The following PDSS2 variants were observed in gnomAD, a reference collection of about 807,000 sequenced individuals.
The protein encoded by PDSS2 is decaprenyl diphosphate synthase subunit 2, also known as all trans-polyprenyl-diphosphate synthase PDSS2.
A neutral mutation model predicts 44.5 loss-of-function variants in PDSS2; 31 were observed. That is an observed-to-expected ratio of 0.70 (90% CI 0.52 to 0.94). The LOEUF (loss-of-function observed/expected upper bound fraction) is 0.94. Ranked by LOEUF, PDSS2 falls within the 40% of genes least tolerant of loss-of-function variation. PDSS2 has a pLI of 0.00. For synonymous variants in PDSS2, 157 were observed against 180.3 expected (o/e 0.87, Z 1.03); for missense variants, 452 against 482.2 (o/e 0.94, Z 0.59).
chr6:107,214,350 C>T (rs1399364230), intron 4 of PDSS2, among the ~76,000 whole-genome samples: 3 of 152,260 alleles, frequency 2.0e-5, no homozygotes, highest in Admixed American at 2.0e-4. Context: ...CTCGGCCTCC[C>T]AAAGTGCTGG....
Position 107,243,702 on chromosome 6 carries a change from G to A in PDSS2, c.702+1846C>T, listed in dbSNP as rs141311729. 3.0e-4 allele frequency among the ~76,000 whole-genome samples: 45 copies of A among 152,258 alleles called. 1 individual carries two copies. Among genetic ancestry groups the A allele is most frequent in the African/African-American group, 1.0e-3 (42 of 41,526 alleles). On this transcript the variant is annotated intron_variant, in intron 4 of 7. Coordinates refer to ENST00000369037, the MANE Select transcript of PDSS2 (RefSeq NM_020381.4). ...ACTAAAGTACAGAAGATATGGGAGC[G>A]GGTACGGGGAAGTGCTGGGTAGAGA...
intron 6 of PDSS2, among the ~76,000 whole-genome samples, chr6:107,200,353 C>T (rs1338283090): frequency 6.6e-6 from 1 of 152,096 alleles, no homozygotes. Flanking sequence ...AACACCAGAC[C>T]AGACCAGAAG....
At chr6:107,333,229 A>T (rs1164330472) in intron 2 of PDSS2, among the ~76,000 whole-genome samples, 1 of 152,174 alleles carries the variant, frequency 6.6e-6, no homozygotes, top group East Asian at 1.9e-4. Context: ...TCATATGCCA[A>T]AGTCTACCTG....
chr6:107,262,558 G>A (rs1775275361), intron 3 of PDSS2, among the ~76,000 whole-genome samples: 1 of 152,026 alleles, frequency 6.6e-6, no homozygotes, highest in African/African-American at 2.4e-5. Flanking sequence ...AGATCACGAG[G>A]TCAGGAGATC....
chr6:107,275,497 G>C (rs1396517465), intron 2 of PDSS2, among the ~76,000 whole-genome samples: 1 of 151,956 alleles, frequency 6.6e-6, no homozygotes, highest in East Asian at 1.9e-4. Context: ...TGGCCAATAG[G>C]ACATCAACAA....
In PDSS2 at chr6:107,288,703, T is replaced by A. The variant is rs535065950; in HGVS notation, c.432-14476A>T. Among the ~76,000 whole-genome samples, 18 of 148,730 alleles carry A rather than the reference T, an allele frequency of 1.2e-4. No homozygotes were observed. In the South Asian group the frequency reaches 3.7e-3, roughly 30 times the overall value. The stretch of plus-strand genomic sequence containing the variant: ...GAGTTTAGGTTTTTCTAGAGCAGTA[T>A]GGGGTCATTAAGGAGGGGCTGGACA... On this transcript the variant is annotated intron_variant, in intron 2 of 7. Coordinates refer to ENST00000369037, the MANE Select transcript of PDSS2 (RefSeq NM_020381.4).
intron 7 of PDSS2, among the ~76,000 whole-genome samples, chr6:107,168,234 G>C (rs1554247877): frequency 2.0e-5 from 3 of 152,058 alleles, no homozygotes; most frequent in African/African-American, 7.2e-5. Context: ...TTATGTAATG[G>C]CCTTCTTTGT....
intron 6 of PDSS2, among the ~76,000 whole-genome samples, chr6:107,201,924 C>T (rs1772792882): frequency 6.6e-6 from 1 of 152,184 alleles, no homozygotes. Context: ...TTCTGTTTTC[C>T]CCCTTTCTCT....
chr6:107,355,112 T>C lies in PDSS2; in HGVS notation c.297-20780A>G, dbSNP rs1400458760. Among the ~76,000 whole-genome samples, 4 of 152,140 alleles carry C rather than the reference T, an allele frequency of 2.6e-5. No individual in the cohort carries two copies. The East Asian group carries it at 7.7e-4, about 29-fold the overall frequency. On this transcript the variant is annotated intron_variant, in intron 1 of 7. Coordinates refer to ENST00000369037, the MANE Select transcript of PDSS2 (RefSeq NM_020381.4). ...CACGCCCAGCTAATTTTTGTATTTT[T>C]AGTAGAGACAGGGTTTCACCATGGT...
In PDSS2 at chr6:107,429,897, AAAAAATATATATATAT is replaced by A. The variant is rs1310299642; in HGVS notation, c.296+29077_296+29092del. Among the ~76,000 whole-genome samples, 130 of 41,260 alleles carry A rather than the reference AAAAAATATATATATAT, an allele frequency of 3.2e-3. 14 individuals are homozygous for A. The East Asian group carries it at 0.1, about 32-fold the overall frequency. The allele number at this position is 41,260 out of a possible 152,430, so 27.1% of individuals were successfully genotyped here. On this transcript the variant is annotated intron_variant, in intron 1 of 7. Transcript: ENST00000369037. ...AAAACTTAGTCTCAAAAAAAAAAAAAAAAAATATATATATATATATATATATATATATATATATATA... is the reference window on the plus strand; with the variant it reads ...AAAACTTAGTCTCAAAAAAAAAAAAAATATATATATATATATATATATATA...
intron 7 of PDSS2, among the ~76,000 whole-genome samples, chr6:107,158,359 A>G (rs1357024431): frequency 6.6e-6 from 1 of 151,416 alleles, no homozygotes; most frequent in Non-Finnish European, 1.5e-5. Flanking sequence ...TAATTTTTTT[A>G]TTTTTAGTGG....
chr6:107,263,665 T>C (rs1222663181), intron 3 of PDSS2, among the ~76,000 whole-genome samples: 1 of 152,214 alleles, frequency 6.6e-6, no homozygotes, highest in East Asian at 1.9e-4. Context: ...TTATTTAAAA[T>C]TCGTCTTATT....
At chr6:107,195,934 C>T (rs1183455792) in intron 6 of PDSS2, among the ~76,000 whole-genome samples, 3 of 152,152 alleles carry the variant, frequency 2.0e-5, no homozygotes, top group Non-Finnish European at 4.4e-5. Flanking sequence ...CACCACAAAC[C>T]ACTCTAAAAT....
At chr6:107,424,625 A>G (rs319096) in intron 1 of PDSS2, among the ~76,000 whole-genome samples, 109,966 of 152,060 alleles carry the variant, frequency 0.72, 40,222 homozygotes, top group Middle Eastern at 0.79. Flanking sequence ...AGGCTGTGTA[A>G]GGCATTGCAT....
chr6:107,340,760 T>G (rs2448078), intron 1 of PDSS2, among the ~76,000 whole-genome samples: 82,366 of 151,950 alleles, frequency 0.54, 24,153 homozygotes, highest in Middle Eastern at 0.73. Context: ...GAGACGGGAC[T>G]GGAATGGAGT....
At chr6:107,454,877 T>C (rs1246125556) in intron 1 of PDSS2, among the ~76,000 whole-genome samples, 2 of 152,254 alleles carry the variant, frequency 1.3e-5, no homozygotes, top group Admixed American at 1.3e-4. Context: ...GCTTAACCTC[T>C]GGATCAAATG....
At chr6:107,223,085 A>G (rs1215826725) in intron 4 of PDSS2, among the ~76,000 whole-genome samples, 1 of 151,132 alleles carries the variant, frequency 6.6e-6, no homozygotes, top group Admixed American at 6.6e-5. Flanking sequence ...AGTAGCTGGG[A>G]TTACAGGTGT....
chr6:107,230,029 G>T, intron 4 of PDSS2: 1 of 209,434 alleles, frequency 4.8e-6, no homozygotes, highest in Admixed American at 4.2e-5. Flanking sequence ...ATATGGACTT[G>T]AAAGATATAG....
intron 7 of PDSS2, among the ~76,000 whole-genome samples, chr6:107,188,640 G>A (rs1187805622): frequency 1.3e-5 from 2 of 152,154 alleles, no homozygotes; most frequent in Non-Finnish European, 2.9e-5. Flanking sequence ...TGGGCCTAGC[G>A]GGAGGTGTTT....
Sources: allele counts gnomAD v4.1 joint callset (sites outside exome capture counted in the v4.1 genomes callset), GRCh38; gene constraint gnomAD v4.1.1; transcripts MANE v1.5; gene names NCBI Gene and HGNC (gene_info 2026-07-23, HGNC 2026-07-21).